Variants in CR1L observed in about 807,000 individuals in gnomAD.
CR1L encodes complement component receptor 1-like protein.
CR1L carries 59 observed loss-of-function variants against 62.3 expected under a neutral mutation model. The ratio of observed to expected loss-of-function variants is 0.95; its 90% CI spans 0.77 to 1.18. CR1L has a LOEUF of 1.18. Among genes scored for constraint, CR1L ranks in the 50% most tolerant of loss-of-function variants. The probability of loss-of-function intolerance (pLI) is 0.00; values close to 1 mark genes in which losing one functional copy is unlikely to be tolerated. For missense variants in CR1L, 700 were observed against 702.8 expected, an observed-to-expected ratio of 1.00 and a Z score of 0.04; for synonymous variants, 279 against 248.7, an observed-to-expected ratio of 1.12 and a Z score of -1.15.
intron 1 of CR1L, among the ~76,000 whole-genome samples, chr1:207,654,278 T>C (rs1663272571): frequency 6.6e-6 from 1 of 152,180 alleles, no homozygotes; most frequent in African/African-American, 2.4e-5. Flanking sequence ...GTAAGGCAGT[T>C]TCACTAAGAG....
intron 3 of CR1L, among the ~76,000 whole-genome samples, chr1:207,682,976 C>CTTTCTTTT (rs1381434051): frequency 0.01 from 1,461 of 142,394 alleles, 18 homozygotes; most frequent in Middle Eastern, 0.022. Context: ...TTCTTTCTTT[C>CTTTCTTTT]TTTCTTTCTT....
chr1:207,685,619 C>G (rs1387501795), intron 4 of CR1L, among the ~76,000 whole-genome samples: 1 of 152,184 alleles, frequency 6.6e-6, no homozygotes. Flanking sequence ...TCACCCTGAG[C>G]TCCTTTGGTC....
chr1:207,707,785 T>TACACACACACACAA, intron 9 of CR1L, among the ~76,000 whole-genome samples: 1 of 126,810 alleles, frequency 7.9e-6, no homozygotes, highest in East Asian at 2.6e-4. Context: ...GGCATAGTAT[T>TACACACACACACAA]ACACACACAC....
intron 1 of CR1L, among the ~76,000 whole-genome samples, chr1:207,654,342 A>G (rs1663273098): frequency 1.3e-5 from 2 of 152,238 alleles, no homozygotes; most frequent in Non-Finnish European, 2.9e-5. Context: ...ATAGTTACAT[A>G]GAGCTTGCTA....
chr1:207,651,501 G>C (rs1663223428), intron 1 of CR1L, among the ~76,000 whole-genome samples: 1 of 152,122 alleles, frequency 6.6e-6, no homozygotes, highest in Non-Finnish European at 1.5e-5. Flanking sequence ...GCTCCTTGGA[G>C]ATCAAAATAG....
Position 207,699,207 on chromosome 1 carries a change from C to G in CR1L, c.1161C>G (p.Ser387Arg). 1 of 1,613,720 alleles carries G rather than the reference C, an allele frequency of 6.2e-7. No homozygotes were observed. Among genetic ancestry groups the G allele is most frequent in the Non-Finnish European group, 8.5e-7 (1 of 1,179,702 alleles). ...TCTTTAGATTTCAATTAAAAGGCAG[C>G]TCTGCTAGTTACTGTGTTTTGGCTG... ...VCDEGFQLKGSSASYCVLAGM... is the reference protein window; with the variant it reads ...VCDEGFQLKGRSASYCVLAGM... Residue 387 changes from serine (S) to arginine (R), a missense_variant, in exon 8 of 12, where the codon AGC becomes AGG. By Grantham distance (110) the Ser-to-Arg change is moderately radical. Coordinates refer to ENST00000508064, the MANE Select transcript of CR1L (RefSeq NM_175710.2).
intron 11 of CR1L, 129 bp downstream of exon 11, chr1:207,717,820 C>G: frequency 8.9e-7 from 1 of 1,125,188 alleles, no homozygotes; most frequent in South Asian, 1.5e-5. Context: ...ACAGAACTAC[C>G]TCCCAAGTGA....
chr1:207,685,499 A>C (rs1298719623), intron 4 of CR1L, among the ~76,000 whole-genome samples: 2 of 152,204 alleles, frequency 1.3e-5, no homozygotes, highest in Non-Finnish European at 2.9e-5. Flanking sequence ...CTCCATGATC[A>C]ATTAGCCCAA....
chr1:207,705,216 C>G (rs1048584469), intron 9 of CR1L, among the ~76,000 whole-genome samples: 2 of 152,114 alleles, frequency 1.3e-5, no homozygotes, highest in Non-Finnish European at 2.9e-5. Flanking sequence ...ATAAGGACAC[C>G]GGGCATATTG....
chr1:207,691,249 T>G (rs541818783), intron 4 of CR1L, among the ~76,000 whole-genome samples: 1 of 152,324 alleles, frequency 6.6e-6, no homozygotes, highest in Non-Finnish European at 1.5e-5. Flanking sequence ...AATGTCTCTC[T>G]TTACCTCTCA....
chr1:207,714,716 T>C lies in CR1L; in HGVS notation c.1415-2748T>C, dbSNP rs1031370762. Among the ~76,000 whole-genome samples the C allele has an allele frequency of 4.6e-5, 7 of 152,246 alleles. No individual in the cohort carries two copies. In the East Asian group the frequency reaches 1.4e-3, roughly 29 times the overall value. On this transcript the variant is annotated intron_variant, in intron 10 of 11. Coordinates refer to ENST00000508064, the MANE Select transcript of CR1L (RefSeq NM_175710.2). Reference sequence around the variant, plus strand: ...TCCAATTTCAGAACGATTTTAGATTTCAGAAGGGAAGCAGTACTCAATAGT... The same window carrying C: ...TCCAATTTCAGAACGATTTTAGATTCCAGAAGGGAAGCAGTACTCAATAGT...
chr1:207,710,372 C>T, intron 10 of CR1L: 1 of 1,439,956 alleles, frequency 6.9e-7, no homozygotes, highest in South Asian at 1.1e-5. Flanking sequence ...CTTGCGGTCT[C>T]TTTTCCCAGG....
chr1:207,693,229 C>T lies in CR1L; in HGVS notation c.464-1124C>T, dbSNP rs1396715191. ...ACCTCCCAGATTCAAGGAATCTTCC[C>T]ACCTCAGCCACCTCGGTAGCTGGGA... On this transcript the variant is annotated intron_variant, in intron 4 of 11. Transcript: ENST00000508064. Among the ~76,000 whole-genome samples, 4 of 152,288 alleles carry T rather than the reference C, an allele frequency of 2.6e-5. No individual in the cohort carries two copies. The East Asian group carries it at 7.7e-4, about 29-fold the overall frequency.
intron 3 of CR1L, among the ~76,000 whole-genome samples, chr1:207,681,840 C>T (rs1348947569): frequency 6.6e-6 from 1 of 152,128 alleles, no homozygotes; most frequent in Non-Finnish European, 1.5e-5. Flanking sequence ...TTCATTTGTT[C>T]TCTATTTGTG....
chr1:207,696,731 C>T (rs1274527159), intron 5 of CR1L, among the ~76,000 whole-genome samples: 3 of 152,178 alleles, frequency 2.0e-5, no homozygotes, highest in Admixed American at 6.5e-5. Context: ...CATTTTATAA[C>T]AGTTTTATAT....
chr1:207,706,114 G>A (rs1044660142), intron 9 of CR1L, among the ~76,000 whole-genome samples: 11 of 150,840 alleles, frequency 7.3e-5, no homozygotes, highest in African/African-American at 2.7e-4. Context: ...CCTCAATGCA[G>A]TGGGAAAAGA....
At chr1:207,706,218 G>T (rs1015573739) in intron 9 of CR1L, among the ~76,000 whole-genome samples, 1 of 151,748 alleles carries the variant, frequency 6.6e-6, no homozygotes, top group East Asian at 1.9e-4. Context: ...CCAGGACCTC[G>T]AGACCAGCCT....
intron 9 of CR1L, among the ~76,000 whole-genome samples, chr1:207,702,017 C>T (rs1664200396): frequency 6.6e-6 from 1 of 152,108 alleles, no homozygotes. Flanking sequence ...AAAGTACAGG[C>T]CTTCCTCATT....
intron 1 of CR1L, among the ~76,000 whole-genome samples, chr1:207,667,894 A>G (rs1663547346): frequency 6.6e-6 from 1 of 151,198 alleles, no homozygotes; most frequent in African/African-American, 2.5e-5. Context: ...AAGACATAGA[A>G]ATGGCCAACG....
Sources: allele counts gnomAD v4.1 joint callset (sites outside exome capture counted in the v4.1 genomes callset), GRCh38; gene constraint gnomAD v4.1.1; transcripts MANE v1.5; gene names NCBI Gene and HGNC (gene_info 2026-07-23, HGNC 2026-07-21).